Variants in PCDH15 observed in about 807,000 individuals in gnomAD.
PCDH15 encodes the protein protocadherin-15.
In PCDH15, 129 loss-of-function variants were observed where a neutral mutation model predicts 178.5. The ratio of observed to expected loss-of-function variants is 0.72; its 90% CI spans 0.63 to 0.84. The LOEUF (loss-of-function observed/expected upper bound fraction) is 0.84. PCDH15 is among the 40% of genes least tolerant of loss of function. PCDH15 has a pLI of 0.00. For synonymous variants in PCDH15, 800 were observed against 732.0 expected, an observed-to-expected ratio of 1.09 and a Z score of -1.50; for missense variants, 2,230 against 2,099.9, an observed-to-expected ratio of 1.06 and a Z score of -1.21.
intron 2 of PCDH15, among the ~76,000 whole-genome samples, chr10:55,025,851 T>C (rs923132299): frequency 5.3e-5 from 8 of 151,960 alleles, no homozygotes; most frequent in Non-Finnish European, 1.2e-4. Flanking sequence ...GTTCCTGCGA[T>C]TGAGGTACAG....
intron 2 of PCDH15, among the ~76,000 whole-genome samples, chr10:55,617,266 T>A (rs568119851): frequency 6.6e-6 from 1 of 152,198 alleles, no homozygotes. Context: ...TTACAAGTTT[T>A]AGATCAAGAG....
intron 2 of PCDH15, among the ~76,000 whole-genome samples, chr10:54,628,304 T>C (rs2093612698): frequency 6.6e-6 from 1 of 152,186 alleles, no homozygotes; most frequent in Non-Finnish European, 1.5e-5. Context: ...ACATAAATTA[T>C]AGATTAACAT....
intron 2 of PCDH15, among the ~76,000 whole-genome samples, chr10:55,508,078 A>G (rs1445310916): frequency 6.6e-6 from 1 of 151,632 alleles, no homozygotes; most frequent in Admixed American, 6.6e-5. Flanking sequence ...TTAGGATTTT[A>G]TTTTTTGAAA....
At chr10:54,552,770 T>C (rs2086759748) in intron 2 of PCDH15, among the ~76,000 whole-genome samples, 1 of 152,144 alleles carries the variant, frequency 6.6e-6, no homozygotes, top group Non-Finnish European at 1.5e-5. Context: ...CCACTAATAA[T>C]TTGTGTCAAC....
chr10:55,135,574 C>CTTTTTTTTTTTTTTTTTT (rs56956557), intron 2 of PCDH15, among the ~76,000 whole-genome samples: 1 of 68,220 alleles, frequency 1.5e-5, no homozygotes, highest in African/African-American at 5.6e-5. Context: ...TCTTTTCTTT[C>CTTTTTTTTTTTTTTTTTT]TTTTTTTTTT....
chr10:54,417,480 A>G (rs1954607460), intron 3 of PCDH15, among the ~76,000 whole-genome samples: 1 of 152,144 alleles, frequency 6.6e-6, no homozygotes, highest in Non-Finnish European at 1.5e-5. Flanking sequence ...GCTGAATTGC[A>G]AATTCTGCTG....
chr10:55,440,176 G>T (rs1435208962), intron 2 of PCDH15, among the ~76,000 whole-genome samples: 1 of 152,106 alleles, frequency 6.6e-6, no homozygotes, highest in African/African-American at 2.4e-5. Flanking sequence ...TGGTGATAGG[G>T]ATATCTGACA....
chr10:54,033,522 C>T (rs1776355634), intron 18 of PCDH15, among the ~76,000 whole-genome samples: 1 of 151,866 alleles, frequency 6.6e-6, no homozygotes. Context: ...TCTTTCAGCA[C>T]TCATTACAGT....
intron 2 of PCDH15, among the ~76,000 whole-genome samples, chr10:55,578,583 C>A (rs530540078): frequency 1.3e-5 from 2 of 152,216 alleles, no homozygotes; most frequent in South Asian, 4.1e-4. Flanking sequence ...CTGAATTATA[C>A]CAACCGCACT....
chr10:55,408,608 A>T (rs1838261730), intron 2 of PCDH15, among the ~76,000 whole-genome samples: 1 of 152,190 alleles, frequency 6.6e-6, no homozygotes, highest in Non-Finnish European at 1.5e-5. Context: ...AATCACATTA[A>T]AATATTGAAG....
intron 8 of PCDH15, among the ~76,000 whole-genome samples, chr10:54,309,058 G>A (rs1297982932): frequency 1.3e-5 from 2 of 151,932 alleles, no homozygotes; most frequent in Admixed American, 6.6e-5. Context: ...CACTTTGCTG[G>A]CCCCAAAACA....
chr10:54,522,379 C>CT (rs2082969847), intron 3 of PCDH15, among the ~76,000 whole-genome samples: 1 of 152,198 alleles, frequency 6.6e-6, no homozygotes, highest in Non-Finnish European at 1.5e-5. Context: ...CAGCTATCTT[C>CT]TTGCCATTTC....
intron 2 of PCDH15, among the ~76,000 whole-genome samples, chr10:55,434,426 G>A (rs942084316): frequency 2.6e-5 from 4 of 151,918 alleles, no homozygotes; most frequent in African/African-American, 9.7e-5. Context: ...ATATTGAAAT[G>A]AGTTTCATAA....
At chr10:55,006,125 T>C (rs547973947) in intron 2 of PCDH15, among the ~76,000 whole-genome samples, 1 of 152,182 alleles carries the variant, frequency 6.6e-6, no homozygotes, top group African/African-American at 2.4e-5. Context: ...TTTATCCTTT[T>C]AGCAATTTTC....
intron 32 of PCDH15, 29 bp from the exon 33 acceptor site, chr10:53,820,259 A>AAATC (rs1440742788): frequency 1.3e-5 from 5 of 397,444 alleles, no homozygotes; most frequent in African/African-American, 2.1e-5. Flanking sequence ...AGAAAGAAAA[A>AAATC]AATCACGTTC....
At chr10:53,967,642 T>C (rs1322518931) in intron 21 of PCDH15, among the ~76,000 whole-genome samples, 2 of 152,330 alleles carry the variant, frequency 1.3e-5, no homozygotes, top group East Asian at 1.9e-4. Flanking sequence ...GAAGTCTCTT[T>C]TATATATACC....
chr10:54,100,020 A>G (rs1019162181), intron 15 of PCDH15, among the ~76,000 whole-genome samples: 12 of 152,208 alleles, frequency 7.9e-5, no homozygotes, highest in African/African-American at 2.9e-4. Context: ...TAGATATAGA[A>G]TCAGATGAGG....
intron 8 of PCDH15, among the ~76,000 whole-genome samples, chr10:54,248,998 T>G (rs1294530492): frequency 1.3e-5 from 2 of 151,362 alleles, no homozygotes; most frequent in African/African-American, 4.9e-5. Flanking sequence ...AGCAAAAATA[T>G]TTATTGTCTT....
intron 7 of PCDH15, among the ~76,000 whole-genome samples, chr10:54,320,818 G>A (rs529808848): frequency 2.0e-4 from 31 of 151,864 alleles, no homozygotes; most frequent in Non-Finnish European, 4.0e-4. Flanking sequence ...GAGTCATTTA[G>A]TACTGAAAAT....
Sources: allele counts gnomAD v4.1 joint callset (sites outside exome capture counted in the v4.1 genomes callset), GRCh38; gene constraint gnomAD v4.1.1; transcripts MANE v1.5; gene names NCBI Gene and HGNC (gene_info 2026-07-23, HGNC 2026-07-21).